Variants in ADGB observed in about 807,000 individuals in gnomAD.
ADGB encodes the protein calpain-7-like protein.
Under a neutral mutation model 210.5 loss-of-function variants are expected in ADGB, and 172 were observed. That is an observed-to-expected ratio of 0.82 (90% CI 0.72 to 0.93). ADGB has a LOEUF of 0.93. ADGB is among the 40% of genes least tolerant of loss of function. ADGB has a pLI of 0.00. For missense variants in ADGB, 2,025 were observed against 1,964.8 expected (o/e 1.03, Z -0.58); for synonymous variants, 658 against 662.7 (o/e 0.99, Z 0.11).
At chr6:146,663,983 G>C (rs906143825) in intron 5 of ADGB, among the ~76,000 whole-genome samples, 1 of 152,044 alleles carries the variant, frequency 6.6e-6, no homozygotes, top group African/African-American at 2.4e-5. Context: ...AGACAATATT[G>C]ATATAGACAT....
intron 35 of ADGB, among the ~76,000 whole-genome samples, chr6:146,808,003 T>TG (rs1432770112): frequency 1.8e-4 from 27 of 146,728 alleles, no homozygotes; most frequent in Non-Finnish European, 3.7e-4. Flanking sequence ...TTTTTTTTTT[T>TG]TTTTTTTTTT....
chr6:146,770,637 G>C (rs745861980), intron 29 of ADGB: 4 of 464,442 alleles, frequency 8.6e-6, no homozygotes, highest in South Asian at 6.3e-5. Flanking sequence ...TGGCATCCTG[G>C]CCTGCTGTGT....
intron 33 of ADGB, among the ~76,000 whole-genome samples, chr6:146,794,342 G>C (rs1306889886): frequency 6.6e-6 from 1 of 152,146 alleles, no homozygotes; most frequent in Non-Finnish European, 1.5e-5. Context: ...GCTCCGGTGA[G>C]TGGCTGGAAA....
intron 7 of ADGB, among the ~76,000 whole-genome samples, chr6:146,671,465 T>C (rs529198346): frequency 5.3e-5 from 8 of 152,328 alleles, no homozygotes; most frequent in African/African-American, 1.9e-4. Flanking sequence ...CTTTGAGTAC[T>C]AAGTAGAAGG....
chr6:146,774,668 C>A (rs1214512972), intron 29 of ADGB, among the ~76,000 whole-genome samples: 1 of 152,136 alleles, frequency 6.6e-6, no homozygotes. Context: ...TTGATTAAAG[C>A]ATGTCTATAT....
chr6:146,736,461 A>C, intron 22 of ADGB, 37 bp from the exon 23 acceptor site: 8 of 1,310,326 alleles, frequency 6.1e-6, no homozygotes, highest in Non-Finnish European at 8.4e-6. Flanking sequence ...CAGGCATCTT[A>C]AAGCTTAACG....
At chr6:146,712,749 G>A (rs1415359997) in intron 13 of ADGB, among the ~76,000 whole-genome samples, 1 of 151,666 alleles carries the variant, frequency 6.6e-6, no homozygotes, top group Non-Finnish European at 1.5e-5. Context: ...TTTTAAAACT[G>A]TTTAGTTGTA....
At chr6:146,692,253 T>C (rs746905776) in intron 11 of ADGB, among the ~76,000 whole-genome samples, 60 of 152,286 alleles carry the variant, frequency 3.9e-4, no homozygotes, top group Non-Finnish European at 7.5e-4. Context: ...TTGTTCACCA[T>C]GGTAATGCAA....
rs902008825 is a variant in ADGB, at chr6:146,717,087, A to G, written c.1928+18A>G. 5.2e-6 allele frequency: 8 copies of G among 1,539,292 alleles called. No individual in the cohort carries two copies. The highest frequency in any genetic ancestry group is 1.4e-5 in the African/African-American group (1 of 72,756). The stretch of plus-strand genomic sequence containing the variant: ...TGCTTTCAGTAAGTATACCAATGGG[A>G]TCAATCTGACTATGTCGTAGTGGTT... On this transcript the variant is annotated intron_variant, in intron 15 of 35. Transcript: ENST00000397944.
Position 146,781,472 on chromosome 6 carries a change from T to TA in ADGB, c.3863-537dup, listed in dbSNP as rs71031010. ...AATTAAGAAATTCTTAGAAATGAAT[T>TA]AAAAAAAAAAACCGAGGATGCAGTA... On this transcript the variant is annotated intron_variant, in intron 29 of 35. Coordinates refer to ENST00000397944, the MANE Select transcript of ADGB (RefSeq NM_024694.4). Among the ~76,000 whole-genome samples the TA allele has an allele frequency of 8.5e-3, 1,212 of 142,632 alleles. 10 individuals carry two copies. Among genetic ancestry groups the TA allele is most frequent in the African/African-American group, 0.028 (1,097 of 38,584 alleles). The allele number at this position is 142,632 out of a possible 152,430, so 93.6% of individuals were successfully genotyped here.
At chr6:146,721,691 A>G (rs543553709) in intron 17 of ADGB, among the ~76,000 whole-genome samples, 186 bp downstream of exon 17, 1 of 152,200 alleles carries the variant, frequency 6.6e-6, no homozygotes, top group South Asian at 2.1e-4. Context: ...TACCAAAATT[A>G]GCCAGGCGTG....
rs112817115 is a variant in ADGB at position 146,642,517 on chromosome 6, A to AATGT, written c.238-2255_238-2252dup. 6.3e-3 allele frequency among the ~76,000 whole-genome samples: 963 copies of AATGT among 152,146 alleles called. 7 individuals carry two copies. The highest frequency in any genetic ancestry group is 0.022 in the African/African-American group (908 of 41,528). On this transcript the variant is annotated intron_variant, in intron 2 of 35. Coordinates refer to ENST00000397944, the MANE Select transcript of ADGB (RefSeq NM_024694.4). The stretch of plus-strand genomic sequence containing the variant: ...CATCAATGACAGAATGAATAAAGAA[A>AATGT]ATGTGGTACATATACACTATGGATA...
chr6:146,664,375 A>C, intron 6 of ADGB, 35 bp downstream of exon 6: 1 of 1,510,094 alleles, frequency 6.6e-7, no homozygotes. Context: ...ATGAATAAAA[A>C]AAGCAAACAA....
intron 6 of ADGB, among the ~76,000 whole-genome samples, chr6:146,664,989 A>C (rs1775919531): frequency 1.3e-5 from 2 of 152,190 alleles, no homozygotes; most frequent in Middle Eastern, 3.4e-3. Flanking sequence ...CCTGGCCCTA[A>C]CAATGCAAAA....
intron 2 of ADGB, among the ~76,000 whole-genome samples, chr6:146,636,722 C>T (rs1775428834): frequency 6.6e-6 from 1 of 151,952 alleles, no homozygotes; most frequent in South Asian, 2.1e-4. Context: ...CTTGAAGTAG[C>T]AGCTCCTTCA....
chr6:146,654,277 C>A (rs1318969197), intron 4 of ADGB, 71 bp downstream of exon 4: 18 of 1,012,882 alleles, frequency 1.8e-5, no homozygotes, highest in Non-Finnish European at 2.2e-5. Context: ...CATTCCCAGA[C>A]AGTCGATTTC....
chr6:146,745,436 T>G (rs1194912110), intron 25 of ADGB, among the ~76,000 whole-genome samples: 2 of 152,236 alleles, frequency 1.3e-5, no homozygotes, highest in Non-Finnish European at 2.9e-5. Context: ...ACATCTGGGT[T>G]CTGTGGAATC....
At chr6:146,800,419 GT>G in intron 33 of ADGB, among the ~76,000 whole-genome samples, 1 of 152,226 alleles carries the variant, frequency 6.6e-6, no homozygotes, top group South Asian at 2.1e-4. Context: ...TGATGAAAAT[GT>G]TTTAAAACTG....
At chr6:146,770,096 C>T (rs1777629776) in intron 29 of ADGB, among the ~76,000 whole-genome samples, 1 of 152,080 alleles carries the variant, frequency 6.6e-6, no homozygotes, top group Non-Finnish European at 1.5e-5. Flanking sequence ...TAGTTAGATC[C>T]CATATGAACA....
Sources: gnomAD v4.1 joint callset for allele counts (sites outside exome capture counted in the v4.1 genomes callset) on GRCh38, gnomAD v4.1.1 for gene constraint, MANE v1.5 for transcripts, NCBI Gene and HGNC (gene_info 2026-07-23, HGNC 2026-07-21) for gene names.